PRDM6: variants seen among roughly 807,000 people sequenced by gnomAD.
PRDM6 encodes the protein PR/SET domain 6.
In PRDM6, 25 loss-of-function variants were observed where a neutral mutation model predicts 60.8. The observed-to-expected ratio is 0.41, with a 90% CI of 0.30 to 0.57. PRDM6 has a LOEUF of 0.57. Ranked by LOEUF, PRDM6 falls within the 20% of genes least tolerant of loss-of-function variation. The pLI is 0.27. For synonymous variants in PRDM6, 407 were observed against 357.4 expected (o/e 1.14, Z -1.57); for missense variants, 839 against 821.3 (o/e 1.02, Z -0.26).
chr5:123,125,374 A>AC (rs1764672762), intron 3 of PRDM6, among the ~76,000 whole-genome samples: 1 of 76,650 alleles, frequency 1.3e-5, no homozygotes, highest in African/African-American at 4.0e-5. Flanking sequence ...AGTAGCAAAC[A>AC]CCCCAAAGCA....
chr5:123,125,785 G>T (rs954865166), intron 3 of PRDM6, among the ~76,000 whole-genome samples: 1 of 152,166 alleles, frequency 6.6e-6, no homozygotes, highest in South Asian at 2.1e-4. Flanking sequence ...TCTGAAGAAG[G>T]GGTAGTTCCC....
Position 123,189,654 on chromosome 5 carries a change from T to C in PRDM6, c.*2453T>C, listed in dbSNP as rs1360634223. 1.3e-5 allele frequency: 2 copies of C among 152,220 alleles called. No homozygotes were observed. The highest frequency in any genetic ancestry group is 2.1e-4 in the South Asian group (1 of 4,836). 9.4% of individuals were successfully genotyped at this position (152,220 alleles called of 1,614,324 possible). On this transcript the variant is annotated 3_prime_UTR_variant, in exon 8 of 8. Transcript: ENST00000407847. The stretch of plus-strand genomic sequence containing the variant: ...TATTAAGAGAAATTGTTGGCATATA[T>C]ATTCCACCAAATTTGGTCAGAAAAT...
rs151241213 is a variant in PRDM6, at chr5:123,184,342, A to G, written c.1674-2745A>G. 1.3e-3 allele frequency among the ~76,000 whole-genome samples: 197 copies of G among 152,156 alleles called. 1 individual carries two copies. The highest frequency in any genetic ancestry group is 4.7e-3 in the African/African-American group (196 of 41,490). ...AATTAAGTCTAATTAAGATGCTCAC[A>G]ATGGTATAATAGAAACTCCTCACAA... On this transcript the variant is annotated intron_variant, in intron 7 of 7. Transcript: ENST00000407847.
chr5:123,191,987 A>G lies in PRDM6; in HGVS notation c.*4786A>G, dbSNP rs1209128023. 3 of 152,232 alleles carry G rather than the reference A, an allele frequency of 2.0e-5. No homozygotes were observed. The highest frequency in any genetic ancestry group is 2.9e-5 in the Non-Finnish European group (2 of 68,042). The allele number at this position is 152,232 out of a possible 1,614,324, so 9.4% of individuals were successfully genotyped here. On this transcript the variant is annotated 3_prime_UTR_variant, in exon 8 of 8. Transcript: ENST00000407847. ...AAATGCCAGATGTTTCATCAGATCA[A>G]TATGTAAAACGATAACAAAAAATAT...
intron 6 of PRDM6, among the ~76,000 whole-genome samples, chr5:123,176,760 C>G (rs1323966247): frequency 1.8e-4 from 28 of 152,136 alleles, no homozygotes; most frequent in Admixed American, 1.8e-3. Flanking sequence ...TGTGCAATGT[C>G]ATGAGATCCT....
At position 123,175,276 on chromosome 5, in the gene PRDM6, CTGTT is replaced by C. The variant is rs144539560; in HGVS notation, c.1496+4172_1496+4175del. On this transcript the variant is annotated intron_variant, in intron 6 of 7. Transcript: ENST00000407847. The stretch of plus-strand genomic sequence containing the variant: ...TTTTCTTTTCCTTTCTCCTTTTTGA[CTGTT>C]TGTGCCACATGGGGCAAGTCTGCCT... Among the ~76,000 whole-genome samples, 572 of 152,154 alleles carry C rather than the reference CTGTT, an allele frequency of 3.8e-3. 2 individuals carry two copies. Among genetic ancestry groups the C allele is most frequent in the African/African-American group, 0.013 (537 of 41,518 alleles).
In PRDM6 at chr5:123,190,470, T is replaced by C. The variant is rs946632021; in HGVS notation, c.*3269T>C. ...GAGGAGATATACTTCTAAAAAGTTA[T>C]TGTATGGCTAATTAAAGCTATGAAA... is the stretch of plus-strand genomic sequence containing the variant. On this transcript the variant is annotated 3_prime_UTR_variant, in exon 8 of 8. Coordinates refer to ENST00000407847, the MANE Select transcript of PRDM6 (RefSeq NM_001136239.4). 1 of 152,236 alleles carries C rather than the reference T, an allele frequency of 6.6e-6. No homozygotes were observed. The allele number at this position is 152,236 out of a possible 1,614,324, so 9.4% of individuals were successfully genotyped here.
chr5:123,099,659 G>T lies in PRDM6; in HGVS notation c.598G>T (p.Asp200Tyr). ...CTCCTTCTTGTCTCCCGCAGGTTGC[G>T]ACATGTGCGCGGACAACCGCAACGG... ...QHTSDPNNRC[D>Y]MCADNRNGEC... is the part of the protein sequence containing the mutation. The change falls in exon 3 of 8, where the codon GAC becomes TAC. Residue 200 changes from aspartate to tyrosine, a missense_variant. Physicochemically the swap from Asp to Tyr is radical, Grantham distance 160. Around this residue, in one of 2 missense-constraint regions of PRDM6, gnomAD observed 730 missense variants for 648.8 expected, o/e 1.13. Coordinates refer to ENST00000407847, the MANE Select transcript of PRDM6 (RefSeq NM_001136239.4). The surrounding 1 kb of genome is among the most constrained non-coding windows in gnomAD (Gnocchi z 4.0). The T allele has an allele frequency of 6.9e-7, 1 of 1,456,618 alleles. No individual in the cohort carries two copies. Among genetic ancestry groups the T allele is most frequent in the South Asian group, 1.5e-5 (1 of 67,828 alleles). 90.2% of individuals were successfully genotyped at this position (1,456,618 alleles called of 1,614,324 possible). A position where few individuals can be genotyped will look rare whatever the true frequency, so the allele number is the denominator to read the frequency against.
rs534275220 is a variant in PRDM6 at position 123,112,878 on chromosome 5, C to A, written c.900+12917C>A. Among the ~76,000 whole-genome samples the A allele has an allele frequency of 4.3e-5, 6 of 138,072 alleles. No homozygotes were observed. In the South Asian group the frequency reaches 1.5e-3, roughly 33 times the overall value. The allele number at this position is 138,072 out of a possible 152,430, so 90.6% of individuals were successfully genotyped here. ...TTTATGAAGTCAATCATTAGTGCCA[C>A]AACTATAGCCTGACAATTTAAAATT... On this transcript the variant is annotated intron_variant, in intron 3 of 7. Transcript: ENST00000407847.
At position 123,170,955 on chromosome 5, in the gene PRDM6, T is replaced by G; in HGVS notation, c.1343T>G (p.Val448Gly). The G allele has an allele frequency of 6.4e-7, 1 of 1,551,818 alleles. No homozygotes were observed. The highest frequency in any genetic ancestry group is 8.7e-7 in the Non-Finnish European group (1 of 1,147,034). ...GAATCAGGATTTAATCAAATCAACGTGAAAAACCAGCGAGTCCTGGCAAGC... is the reference window on the plus strand; with the variant it reads ...GAATCAGGATTTAATCAAATCAACGGGAAAAACCAGCGAGTCCTGGCAAGC... Reference protein sequence around the residue: ...PIESGFNQINVKNQRVLASPT... With the variant: ...PIESGFNQINGKNQRVLASPT... The change falls in exon 6 of 8, where the codon GTG becomes GGG. Residue 448 changes from valine to glycine, a missense_variant. By Grantham distance (109) the Val-to-Gly change is moderately radical. Transcript: ENST00000407847.
intron 3 of PRDM6, among the ~76,000 whole-genome samples, chr5:123,118,572 A>G (rs1239359923): frequency 6.6e-6 from 1 of 152,230 alleles, no homozygotes; most frequent in Non-Finnish European, 1.5e-5. Context: ...AAAGATTACG[A>G]TAAGTCTGGG....
intron 3 of PRDM6, among the ~76,000 whole-genome samples, chr5:123,114,404 A>G (rs1764385683): frequency 6.6e-6 from 1 of 152,162 alleles, no homozygotes; most frequent in South Asian, 2.1e-4. Context: ...TTTTAGAGTC[A>G]CATCTCCCAA....
chr5:123,177,053 C>G (rs1214371631), intron 6 of PRDM6, among the ~76,000 whole-genome samples: 3 of 152,184 alleles, frequency 2.0e-5, no homozygotes, highest in African/African-American at 7.2e-5. Context: ...AGTCTTAACT[C>G]CTGTGGCCAG....
intron 5 of PRDM6, among the ~76,000 whole-genome samples, chr5:123,170,520 A>C (rs1765861716): frequency 6.6e-6 from 1 of 152,198 alleles, no homozygotes; most frequent in Non-Finnish European, 1.5e-5. Context: ...AGTGAACTCC[A>C]TGAGGGCAAA....
chr5:123,125,316 C>G lies in PRDM6; in HGVS notation c.900+25355C>G, dbSNP rs557188080. ...ACTCATAGTCTGTTTGTTGTGTTGCCTCATTTAAATTGTGGCATCATAAAT... is the reference window on the plus strand; with the variant it reads ...ACTCATAGTCTGTTTGTTGTGTTGCGTCATTTAAATTGTGGCATCATAAAT... On this transcript the variant is annotated intron_variant, in intron 3 of 7. Transcript: ENST00000407847. Among the ~76,000 whole-genome samples the G allele has an allele frequency of 1.1e-3, 165 of 152,114 alleles. 2 individuals are homozygous for G. Among genetic ancestry groups the G allele is most frequent in the African/African-American group, 3.6e-3 (149 of 41,478 alleles).
chr5:123,156,073 T>C, intron 4 of PRDM6, 62 bp downstream of exon 4: 1 of 1,470,912 alleles, frequency 6.8e-7, no homozygotes, highest in Non-Finnish European at 9.1e-7. Flanking sequence ...ATATACAAAT[T>C]CAGGCTTGCC....
intron 5 of PRDM6, among the ~76,000 whole-genome samples, chr5:123,162,234 A>G (rs1765651372): frequency 6.6e-6 from 1 of 152,124 alleles, no homozygotes; most frequent in South Asian, 2.1e-4. Flanking sequence ...CTTCCACCTG[A>G]CAATGCTGTC....
intron 5 of PRDM6, 106 bp downstream of exon 5, chr5:123,159,744 A>G: frequency 3.7e-6 from 4 of 1,079,544 alleles, no homozygotes; most frequent in Non-Finnish European, 4.0e-6. Context: ...CACTGTAATA[A>G]GTAACACAAA....
chr5:123,117,037 C>T (rs1372292691), intron 3 of PRDM6, among the ~76,000 whole-genome samples: 3 of 152,150 alleles, frequency 2.0e-5, no homozygotes, highest in African/African-American at 7.2e-5. Context: ...GCTCTGCAGC[C>T]ACTAAGTTCT....
Sources: gnomAD v4.1 joint callset for allele counts (sites outside exome capture counted in the v4.1 genomes callset) on GRCh38, gnomAD v4.1.1 for gene constraint, gnomAD v4.1.1 regional missense constraint, Gnocchi (gnomAD v3.1) non-coding constraint, MANE v1.5 for transcripts, NCBI Gene and HGNC (gene_info 2026-07-23, HGNC 2026-07-21) for gene names.